EPHB3: variants seen among roughly 807,000 people sequenced by gnomAD.
EPHB3 encodes ephrin type-B receptor 3.
Under a neutral mutation model 100.2 loss-of-function variants are expected in EPHB3, and 33 were observed. The ratio of observed to expected loss-of-function variants is 0.33; its 90% CI spans 0.25 to 0.44. EPHB3 has a LOEUF of 0.44. EPHB3 is among the 20% of genes least tolerant of loss of function. The pLI is 1.00. For synonymous variants in EPHB3, 526 were observed against 554.7 expected (o/e 0.95, Z 0.73); for missense variants, 1,045 against 1,378.3 (o/e 0.76, Z 3.83).
In EPHB3 at chr3:184,577,999, T is replaced by C; in HGVS notation, c.1741T>C (p.Cys581Arg). Residue 581 changes from cysteine to arginine, a missense_variant, in exon 8 of 16, where the codon TGC becomes CGC. Physicochemically the swap from Cys to Arg is radical, Grantham distance 180. Coordinates refer to ENST00000330394, the MANE Select transcript of EPHB3 (RefSeq NM_004443.4). This position sits in a 1 kb window ranked among gnomAD's most constrained non-coding sequence, Gnocchi z 4.9. ...VVAVVVIAIV[C>R]LRKQRHGSDS... ...GGCTGTCGTGGTCATCGCTATCGTC[T>C]GCCTCAGGTACTCCCAGGCCCACTG... is the stretch of plus-strand genomic sequence containing the variant. 6.2e-7 allele frequency: 1 copy of C among 1,613,904 alleles called. No individual in the cohort carries two copies. The highest frequency in any genetic ancestry group is 8.5e-7 in the Non-Finnish European group (1 of 1,179,916).
At position 184,577,506 on chromosome 3, in the gene EPHB3, G is replaced by T. The variant is rs1714707609; in HGVS notation, c.1479+39G>T. The stretch of plus-strand genomic sequence containing the variant: ...GGGGCAGGAGGAGGCCTTGGGCTGA[G>T]CTGGGCTGAGAAAATTACCCCCGGA... On this transcript the variant is annotated intron_variant, in intron 6 of 15. Transcript: ENST00000330394. The surrounding 1 kb of genome is among the most constrained non-coding windows in gnomAD (Gnocchi z 4.9). 2 of 1,611,230 alleles carry T rather than the reference G, an allele frequency of 1.2e-6. No homozygotes were observed. The highest frequency in any genetic ancestry group is 3.3e-5 in the Admixed American group (2 of 59,768).
chr3:184,567,958 G>C (rs1006891503), intron 1 of EPHB3, among the ~76,000 whole-genome samples: 1 of 152,176 alleles, frequency 6.6e-6, no homozygotes, highest in Admixed American at 6.5e-5. Flanking sequence ...ATGCATCCGT[G>C]TGTCTGAGAA....
Position 184,572,383 on chromosome 3 carries a change from T to C in EPHB3, c.184-121T>C. Reference sequence around the variant, plus strand: ...GGAATTTGAGCCCATATAGCCTGTATGCTCAGCCACTGCACACCATAGAAG... The same window carrying C: ...GGAATTTGAGCCCATATAGCCTGTACGCTCAGCCACTGCACACCATAGAAG... On this transcript the variant is annotated intron_variant, in intron 2 of 15. Coordinates refer to ENST00000330394, the MANE Select transcript of EPHB3 (RefSeq NM_004443.4). The surrounding 1 kb of genome is among the most constrained non-coding windows in gnomAD (Gnocchi z 6.6). 8.6e-7 allele frequency: 1 copy of C among 1,156,282 alleles called. No homozygotes were observed. The highest frequency in any genetic ancestry group is 1.1e-6 in the Non-Finnish European group (1 of 874,346). 71.6% of individuals were successfully genotyped at this position (1,156,282 alleles called of 1,614,324 possible). A position where few individuals can be genotyped will look rare whatever the true frequency, so the allele number is the denominator to read the frequency against.
Position 184,577,038 on chromosome 3 carries a change from G to T in EPHB3, c.1209G>T (p.Leu403=), listed in dbSNP as rs748176396. The T allele has an allele frequency of 6.2e-7, 1 of 1,613,922 alleles. No homozygotes were observed. Among genetic ancestry groups the T allele is most frequent in the Admixed American group, 1.7e-5 (1 of 60,034 alleles). The change falls in exon 5 of 16, where the codon CTG becomes CTT. Residue 403 remains leucine, a synonymous_variant. Coordinates refer to ENST00000330394, the MANE Select transcript of EPHB3 (RefSeq NM_004443.4). This position sits in a 1 kb window ranked among gnomAD's most constrained non-coding sequence, Gnocchi z 4.9. ...DDNVEFVPRQ[L]GLTERRVHIS... is the part of the protein sequence containing the mutation. ...ACGTGGAGTTTGTGCCTCGGCAGCT[G>T]GGCCTGACGGAGCGCCGGGTCCACA...
At chr3:184,567,480 GGTGT>G (rs58429187) in intron 1 of EPHB3, among the ~76,000 whole-genome samples, 4,749 of 148,486 alleles carry the variant, frequency 0.032, 104 homozygotes, top group African/African-American at 0.048. Context: ...ATGCTTGCAG[GGTGT>G]GTGTGTGTGT....
rs1714854447 is a variant in EPHB3, at chr3:184,582,356, T to C, written c.*734T>C. 6.6e-6 allele frequency: 1 copy of C among 152,360 alleles called. No homozygotes were observed. The highest frequency in any genetic ancestry group is 1.5e-5 in the Non-Finnish European group (1 of 68,102). The allele number at this position is 152,360 out of a possible 1,614,324, so 9.4% of individuals were successfully genotyped here. ...GTGAGCGTGTAAAAGCTTGGCCCTG[T>C]GCCCTACAATGGGGCCAGCTGGGCC... On this transcript the variant is annotated 3_prime_UTR_variant, in exon 16 of 16. Transcript: ENST00000330394.
At chr3:184,576,669 TGAA>T (rs1714684567) in intron 4 of EPHB3, among the ~76,000 whole-genome samples, 170 bp from the exon 5 acceptor site, 1 of 152,144 alleles carries the variant, frequency 6.6e-6, no homozygotes, top group Admixed American at 6.5e-5. Context: ...AGCTGGGTAT[TGAA>T]GGATAAATAG....
chr3:184,563,213 C>G lies in EPHB3; in HGVS notation c.118+860C>G, dbSNP rs1044256663. Among the ~76,000 whole-genome samples the G allele has an allele frequency of 1.3e-5, 2 of 152,268 alleles. No homozygotes were observed. The highest frequency in any genetic ancestry group is 4.8e-5 in the African/African-American group (2 of 41,552). On this transcript the variant is annotated intron_variant, in intron 1 of 15. Transcript: ENST00000330394. This position sits in a 1 kb window ranked among gnomAD's most constrained non-coding sequence, Gnocchi z 4.1. ...CGCATGCCACTTGACACAAGCTTGC[C>G]GCGGACAGAGGCCCCAACACCAGCC...
chr3:184,569,759 G>A lies in EPHB3; in HGVS notation c.119-1559G>A, dbSNP rs1277300094. On this transcript the variant is annotated intron_variant, in intron 1 of 15. Transcript: ENST00000330394. This position sits in a 1 kb window ranked among gnomAD's most constrained non-coding sequence, Gnocchi z 5.4. ...GGGGTCCTCCGCCGTCCTCGGCTCA[G>A]ACCCAGCCTCCGGGAAACCACTGAA... 6.6e-6 allele frequency among the ~76,000 whole-genome samples: 1 copy of A among 152,242 alleles called. No individual in the cohort carries two copies. The highest frequency in any genetic ancestry group is 6.5e-5 in the Admixed American group (1 of 15,288).
rs753111235 is a variant in EPHB3 at position 184,575,857 on chromosome 3, A to G, written c.884A>G (p.Lys295Arg). The G allele has an allele frequency of 1.9e-6, 3 of 1,612,340 alleles. No individual in the cohort carries two copies. The highest frequency in any genetic ancestry group is 2.5e-6 in the Non-Finnish European group (3 of 1,179,232). The change falls in exon 4 of 16, where the codon AAG (lysine) becomes AGG (arginine). Residue 295 changes from lysine (K) to arginine (R), a missense_variant. By Grantham distance (26) the Lys-to-Arg change is conservative. Around this residue, in one of 2 missense-constraint regions of EPHB3, gnomAD observed 985 missense variants for 1,331.1 expected, o/e 0.74. Transcript: ENST00000330394. Reference protein sequence around the residue: ...RPCPPGSYKAKQGEGPCLPCP... With the variant: ...RPCPPGSYKARQGEGPCLPCP... ...TGTCCCCCTGGGAGCTACAAGGCGA[A>G]GCAGGGAGAGGGGCCCTGCCTCCCA...
At position 184,562,300 on chromosome 3, in the gene EPHB3, C is replaced by T; in HGVS notation, c.65C>T (p.Pro22Leu). 1 of 1,249,430 alleles carries T rather than the reference C, an allele frequency of 8.0e-7. No individual in the cohort carries two copies. Among genetic ancestry groups the T allele is most frequent in the South Asian group, 3.0e-5 (1 of 33,812 alleles). 77.4% of individuals were successfully genotyped at this position (1,249,430 alleles called of 1,614,324 possible). The change falls in exon 1 of 16, where the codon CCG becomes CTG. Residue 22 changes from proline (P) to leucine (L), a missense_variant. By Grantham distance (98) the Pro-to-Leu change is moderately conservative (BLOSUM62 -3). Coordinates refer to ENST00000330394, the MANE Select transcript of EPHB3 (RefSeq NM_004443.4). This position sits in a 1 kb window ranked among gnomAD's most constrained non-coding sequence, Gnocchi z 4.8. ...PPPGLLPLLPPLLLLPLLLLP... is the reference protein window; with the variant it reads ...PPPGLLPLLPLLLLLPLLLLP... Reference sequence around the variant, plus strand: ...CCGGGGCTTCTGCCGCTGCTCCCTCCGCTGCTGCTGCTGCCGCTGCTGCTG... The same window carrying T: ...CCGGGGCTTCTGCCGCTGCTCCCTCTGCTGCTGCTGCTGCCGCTGCTGCTG...
Position 184,572,521 on chromosome 3 carries a change from C to T in EPHB3, c.201C>T (p.Gly67=), listed in dbSNP as rs369357086. 1.0e-5 allele frequency: 16 copies of T among 1,560,574 alleles called. No homozygotes were observed. Among genetic ancestry groups the T allele is most frequent in the Non-Finnish European group, 1.4e-5 (16 of 1,158,450 alleles). Residue 67 remains glycine (G), a synonymous_variant, in exon 3 of 16, where the codon GGC becomes GGT. Transcript: ENST00000330394. The surrounding 1 kb of genome is among the most constrained non-coding windows in gnomAD (Gnocchi z 6.6). The part of the protein sequence containing the change: ...HPESGWEEVS[G]YDEAMNPIRT... ...ATGCACAGTGGGAAGAGGTGAGTGG[C>T]TACGATGAGGCCATGAATCCCATCC...
chr3:184,580,072 C>G lies in EPHB3; in HGVS notation c.2172+138C>G, dbSNP rs367801981. ...GGCTTGGTGCAGGGAAATGGCAGGG[C>G]CTTCATAGCCATAAGTATGGGAGTT... is the stretch of plus-strand genomic sequence containing the variant. On this transcript the variant is annotated intron_variant, in intron 11 of 15. Transcript: ENST00000330394. The G allele has an allele frequency of 2.1e-4, 283 of 1,319,524 alleles. 3 individuals are homozygous for G. In the East Asian group the frequency reaches 6.4e-3, roughly 30 times the overall value. The allele number at this position is 1,319,524 out of a possible 1,614,324, so 81.7% of individuals were successfully genotyped here.
chr3:184,579,814 C>G lies in EPHB3; in HGVS notation c.2052C>G (p.Ser684=), dbSNP rs1714775254. 1.9e-6 allele frequency: 3 copies of G among 1,613,652 alleles called. No homozygotes were observed. The highest frequency in any genetic ancestry group is 3.3e-5 in the Admixed American group (2 of 59,948). The change falls in exon 11 of 16, where the codon TCC becomes TCG. Residue 684 remains serine (S), a synonymous_variant. Coordinates refer to ENST00000330394, the MANE Select transcript of EPHB3 (RefSeq NM_004443.4). This position sits in a 1 kb window ranked among gnomAD's most constrained non-coding sequence, Gnocchi z 5.2. ...GGCGGGACTTCCTAAGCGAGGCCTC[C>G]ATCATGGGTCAGTTTGATCACCCCA... ...RQRRDFLSEA[S]IMGQFDHPNI...
rs1714807941 is a variant in EPHB3 at position 184,581,073 on chromosome 3, C to A, written c.2640C>A (p.Asn880Lys). Reference sequence around the variant, plus strand: ...TGGACTGCTGGGTGCGGGACCGGAACCTCAGGCCCAAATTCTCCCAGATTG... The same window carrying A: ...TGGACTGCTGGGTGCGGGACCGGAAACTCAGGCCCAAATTCTCCCAGATTG... ...LMLDCWVRDR[N>K]LRPKFSQIVN... The change falls in exon 14 of 16, where the codon AAC (asparagine) becomes AAA (lysine). Residue 880 changes from asparagine (N) to lysine (K), a missense_variant. Coordinates refer to ENST00000330394, the MANE Select transcript of EPHB3 (RefSeq NM_004443.4). 5.0e-6 allele frequency: 8 copies of A among 1,614,080 alleles called. No individual in the cohort carries two copies. The highest frequency in any genetic ancestry group is 5.9e-6 in the Non-Finnish European group (7 of 1,180,044).
rs553369588 is a variant in EPHB3, at chr3:184,565,908, G to T, written c.118+3555G>T. 6.6e-6 allele frequency among the ~76,000 whole-genome samples: 1 copy of T among 152,218 alleles called. No homozygotes were observed. The highest frequency in any genetic ancestry group is 2.4e-5 in the African/African-American group (1 of 41,462). On this transcript the variant is annotated intron_variant, in intron 1 of 15. Transcript: ENST00000330394. The surrounding 1 kb of genome is among the most constrained non-coding windows in gnomAD (Gnocchi z 4.8). Reference sequence around the variant, plus strand: ...AGCTGCCGTGGGCAAGGCCTCTGCCGCACGGCCTTCCACTAATTAAACAGC... The same window carrying T: ...AGCTGCCGTGGGCAAGGCCTCTGCCTCACGGCCTTCCACTAATTAAACAGC...
chr3:184,575,481 C>T (rs578131400), intron 3 of EPHB3, among the ~76,000 whole-genome samples: 16 of 151,976 alleles, frequency 1.1e-4, no homozygotes, highest in Non-Finnish European at 1.9e-4. Context: ...GCTAGCCCAC[C>T]GGTGGTCTCT....
rs965367292 is a variant in EPHB3, at chr3:184,563,098, C to G, written c.118+745C>G. Among the ~76,000 whole-genome samples the G allele has an allele frequency of 5.9e-5, 9 of 152,290 alleles. No homozygotes were observed. The highest frequency in any genetic ancestry group is 1.7e-4 in the African/African-American group (7 of 41,564). On this transcript the variant is annotated intron_variant, in intron 1 of 15. Coordinates refer to ENST00000330394, the MANE Select transcript of EPHB3 (RefSeq NM_004443.4). This position sits in a 1 kb window ranked among gnomAD's most constrained non-coding sequence, Gnocchi z 4.1. ...TCTCAATAGGTTCTGTGAAACCTGCCAAGACTGCTGTGGGGGGCAGCTCCA... is the reference window on the plus strand; with the variant it reads ...TCTCAATAGGTTCTGTGAAACCTGCGAAGACTGCTGTGGGGGGCAGCTCCA...
In EPHB3 at chr3:184,572,233, A is replaced by C. The variant is rs1391314949; in HGVS notation, c.184-271A>C. Among the ~76,000 whole-genome samples the C allele has an allele frequency of 6.6e-6, 1 of 152,196 alleles. No individual in the cohort carries two copies. Among genetic ancestry groups the C allele is most frequent in the Non-Finnish European group, 1.5e-5 (1 of 68,036 alleles). On this transcript the variant is annotated intron_variant, in intron 2 of 15. Transcript: ENST00000330394. The surrounding 1 kb of genome is among the most constrained non-coding windows in gnomAD (Gnocchi z 6.6). ...TTACCAAGTTCCTAGTCCTGTCCTA[A>C]ATGCTTTATTCAGTTAAAGTCATTA...
Sources: allele counts gnomAD v4.1 joint callset (sites outside exome capture counted in the v4.1 genomes callset), GRCh38; gene constraint gnomAD v4.1.1; regional missense constraint gnomAD v4.1.1; non-coding constraint Gnocchi (gnomAD v3.1); transcripts MANE v1.5; gene names NCBI Gene and HGNC (gene_info 2026-07-23, HGNC 2026-07-21).